The following CDH3 variants were observed in gnomAD, a reference collection of about 807,000 sequenced individuals.
The protein encoded by CDH3 is cadherin-3.
Under a neutral mutation model 82.0 loss-of-function variants are expected in CDH3, and 54 were observed. That is an observed-to-expected ratio of 0.66 (90% CI 0.53 to 0.83). The LOEUF (loss-of-function observed/expected upper bound fraction) is 0.83, where lower values mean the gene tolerates loss of function less well. Ranked by LOEUF, CDH3 falls within the 40% of genes least tolerant of loss-of-function variation. The pLI, the probability that CDH3 is intolerant of heterozygous loss-of-function variation, is 0.00. For missense variants in CDH3, 1,054 were observed against 1,084.6 expected (o/e 0.97, Z 0.40); for synonymous variants, 446 against 437.9 (o/e 1.02, Z -0.23).
At chr16:68,723,242 C>T (rs1962183675) in intron 2 of CDH3, among the ~76,000 whole-genome samples, 1 of 152,122 alleles carries the variant, frequency 6.6e-6, no homozygotes, top group South Asian at 2.1e-4. Flanking sequence ...TTCCTGGCTT[C>T]CCTCTCAAGC....
chr16:68,683,781 G>T lies in CDH3; in HGVS notation c.1183-802G>T, dbSNP rs551079720. Among the ~76,000 whole-genome samples the T allele has an allele frequency of 2.7e-5, 4 of 148,486 alleles. No homozygotes were observed. The East Asian group carries it at 8.0e-4, about 30-fold the overall frequency. ...TCTACGCTAAAAGTATAAAAAATTC[G>T]CTGGGGCCGGGCACGATTGCTCATG... On this transcript the variant is annotated intron_variant, in intron 9 of 15. Transcript: ENST00000264012.
chr16:68,663,971 C>T (rs1960671082), intron 2 of CDH3, among the ~76,000 whole-genome samples: 1 of 134,370 alleles, frequency 7.4e-6, no homozygotes, highest in African/African-American at 2.8e-5. Context: ...CCCCCCTCCC[C>T]CACTATGCTA....
chr16:68,695,204 G>C (rs1444741676), intron 13 of CDH3, 51 bp from the exon 14 acceptor site: 1 of 1,608,162 alleles, frequency 6.2e-7, no homozygotes, highest in South Asian at 1.1e-5. Context: ...TGGGGGTCTT[G>C]GCCCACTGTG....
At chr16:68,654,477 C>T (rs188983048) in intron 2 of CDH3, among the ~76,000 whole-genome samples, 4,299 of 113,924 alleles carry the variant, frequency 0.038, 271 homozygotes, top group African/African-American at 0.14. Context: ...CCGAGGCAGG[C>T]GGATCACCTG....
chr16:68,679,831 G>A lies in CDH3; in HGVS notation c.724G>A (p.Glu242Lys). ...TGTGATGCAGGTGACAGCCACGGAT[G>A]AGGATGATGCCATCTACACCTACAA... ...TSVMQVTATD[E>K]DDAIYTYNGV... Residue 242 changes from glutamate (E) to lysine (K), a missense_variant, in exon 7 of 16, where the codon GAG becomes AAG. Coordinates refer to ENST00000264012, the MANE Select transcript of CDH3 (RefSeq NM_001793.6). The A allele has an allele frequency of 6.2e-7, 1 of 1,613,422 alleles. No homozygotes were observed. Among genetic ancestry groups the A allele is most frequent in the South Asian group, 1.1e-5 (1 of 91,068 alleles).
At chr16:68,682,171 G>A (rs182181162) in intron 8 of CDH3, 131 bp from the exon 9 acceptor site, 165 of 1,019,886 alleles carry the variant, frequency 1.6e-4, no homozygotes, top group Admixed American at 2.0e-4. Flanking sequence ...CTGAAACCCC[G>A]CAAAGTGGGT....
rs578046962 is a variant in CDH3, at chr16:68,654,658, G to T, written c.160+8908G>T. Among the ~76,000 whole-genome samples the T allele has an allele frequency of 2.2e-4, 32 of 144,836 alleles. No individual in the cohort carries two copies. In the South Asian group the frequency reaches 6.1e-3, roughly 28 times the overall value. Reference sequence around the variant, plus strand: ...GTGGAGGTTGCAGTGAGCGGAGATCGTGTCACTGCACTCCAGGCTGGGTGA... The same window carrying T: ...GTGGAGGTTGCAGTGAGCGGAGATCTTGTCACTGCACTCCAGGCTGGGTGA... On this transcript the variant is annotated intron_variant, in intron 2 of 15. Coordinates refer to ENST00000264012, the MANE Select transcript of CDH3 (RefSeq NM_001793.6).
At chr16:68,729,279 T>G (rs1962259454), downstream of CDH3, among the ~76,000 whole-genome samples, 1 of 152,128 alleles carries the variant, frequency 6.6e-6, no homozygotes, top group African/African-American at 2.4e-5. Context: ...CATTCCAGCC[T>G]GGGCGAAAAA....
downstream of CDH3, among the ~76,000 whole-genome samples, chr16:68,731,572 C>A (rs1219547297): frequency 1.3e-5 from 2 of 148,750 alleles, no homozygotes; most frequent in Non-Finnish European, 3.0e-5. Context: ...CGTGATGGCT[C>A]ATGTTTGTAA....
At position 68,722,940 on chromosome 16, in the gene CDH3, C is replaced by G. The variant is rs139435194; in HGVS notation, c.*45+324C>G. 5.6e-3 allele frequency among the ~76,000 whole-genome samples: 849 copies of G among 152,170 alleles called. 11 individuals are homozygous for G. In the Middle Eastern group the frequency reaches 0.088, roughly 16 times the overall value. On this transcript the variant is annotated intron_variant, in intron 2 of 2. Coordinates refer to the CDH3 transcript ENST00000569080. ...CCCTGAGTAGCTGGGATTACAGGCA[C>G]CCACCACCAGGCCCGGCTAATTTTT...
intron 1 of CDH3, among the ~76,000 whole-genome samples, chr16:68,705,918 AGCGCG>A (rs1265415851): frequency 2.6e-5 from 4 of 151,586 alleles, no homozygotes; most frequent in Non-Finnish European, 5.9e-5. Flanking sequence ...ACAAAACATT[AGCGCG>A]GCGTGGTGGC....
intron 1 of CDH3, among the ~76,000 whole-genome samples, chr16:68,713,639 G>A (rs1567463521): frequency 6.6e-6 from 1 of 152,020 alleles, no homozygotes; most frequent in South Asian, 2.1e-4. Flanking sequence ...TCCCTTCTCT[G>A]CTTAAACACT....
rs1204499221 is a variant in CDH3 at position 68,678,133 on chromosome 16, G to A, written c.247-1G>A. On this transcript the variant is annotated splice_acceptor_variant, in intron 3 of 15. Transcript: ENST00000264012. LOFTEE classifies it high-confidence loss of function. ...GGGTTAAGGAGTTTCTCTCCTTGCAGGAAAGAAGGTCACTGAAGGAAAGGA... is the reference window on the plus strand; with the variant it reads ...GGGTTAAGGAGTTTCTCTCCTTGCAAGAAAGAAGGTCACTGAAGGAAAGGA... 1 of 1,613,652 alleles carries A rather than the reference G, an allele frequency of 6.2e-7. No homozygotes were observed. Among genetic ancestry groups the A allele is most frequent in the African/African-American group, 1.3e-5 (1 of 74,890 alleles).
chr16:68,663,631 A>T (rs976297944), intron 2 of CDH3, among the ~76,000 whole-genome samples: 5 of 151,910 alleles, frequency 3.3e-5, no homozygotes, highest in Admixed American at 6.6e-5. Flanking sequence ...CATTTATACT[A>T]AAGATGATGT....
At chr16:68,731,463 T>C (rs1376292592), downstream of CDH3, among the ~76,000 whole-genome samples, 5 of 8,654 alleles carry the variant, frequency 5.8e-4, 1 homozygote, top group South Asian at 3.1e-3. Context: ...TATATACACA[T>C]ATATATATAC....
At chr16:68,719,263 A>AG (rs1467705442) in intron 1 of CDH3, among the ~76,000 whole-genome samples, 1 of 151,664 alleles carries the variant, frequency 6.6e-6, no homozygotes, top group African/African-American at 2.4e-5. Context: ...AGAAAAAAAA[A>AG]AAAGATAAAA....
intron 13 of CDH3, among the ~76,000 whole-genome samples, chr16:68,694,938 T>C (rs1167174756): frequency 2.6e-5 from 4 of 152,054 alleles, no homozygotes; most frequent in Non-Finnish European, 5.9e-5. Context: ...TGTGTATGCA[T>C]AGAGTCTGCC....
rs538674188 is a variant in CDH3 at position 68,683,680 on chromosome 16, AGAAAATCCAGCCTGGACAACATGGAG to A, written c.1183-902_1183-877del. The stretch of plus-strand genomic sequence containing the variant: ...AAAAAAAAAAAAAAAAAAAAAAAAA[AGAAAATCCAGCCTGGACAACATGGAG>A]AAAAAAAAAAAAAAAGAAAATCCAG... On this transcript the variant is annotated intron_variant, in intron 9 of 15. Coordinates refer to ENST00000264012, the MANE Select transcript of CDH3 (RefSeq NM_001793.6). 2.4e-3 allele frequency among the ~76,000 whole-genome samples: 25 copies of A among 10,486 alleles called. 4 individuals are homozygous for A. Among genetic ancestry groups the A allele is most frequent in the African/African-American group, 6.8e-3 (21 of 3,108 alleles). The allele number at this position is 10,486 out of a possible 152,430, so 6.9% of individuals were successfully genotyped here. A position where few individuals can be genotyped will look rare whatever the true frequency, so the allele number is the denominator to read the frequency against.
intron 1 of CDH3, among the ~76,000 whole-genome samples, chr16:68,709,757 C>A (rs1476352334): frequency 6.6e-6 from 1 of 152,164 alleles, no homozygotes; most frequent in Non-Finnish European, 1.5e-5. Context: ...CTTTTTCTGT[C>A]TCCTTCATTT....
Sources: allele counts gnomAD v4.1 joint callset (sites outside exome capture counted in the v4.1 genomes callset), GRCh38; gene constraint gnomAD v4.1.1; transcripts MANE v1.5; gene names NCBI Gene and HGNC (gene_info 2026-07-23, HGNC 2026-07-21).